The following NUP85 variants were observed in gnomAD, a reference collection of about 807,000 sequenced individuals.
NUP85 encodes the protein nucleoporin 85.
NUP85 carries 23 observed loss-of-function variants against 92.8 expected under a neutral mutation model. The ratio of observed to expected loss-of-function variants is 0.25; its 90% confidence interval spans 0.18 to 0.35. The LOEUF (loss-of-function observed/expected upper bound fraction) is 0.35, where lower values mean the gene tolerates loss of function less well. NUP85 is among the 10% of genes least tolerant of loss of function. The pLI is 1.00. For missense variants in NUP85, 759 were observed against 822.8 expected, an observed-to-expected ratio of 0.92 and a Z score of 0.95; for synonymous variants, 314 against 306.9, an observed-to-expected ratio of 1.02 and a Z score of -0.24.
chr17:75,217,965 G>C (rs1021188327), intron 6 of NUP85, among the ~76,000 whole-genome samples: 1 of 152,164 alleles, frequency 6.6e-6, no homozygotes, highest in African/African-American at 2.4e-5. Context: ...TCTGGGGTCA[G>C]TTAAAGATGG....
At chr17:75,232,729 A>G (rs887389247) in intron 14 of NUP85, 122 bp from the exon 15 acceptor site, 7 of 830,208 alleles carry the variant, frequency 8.4e-6, no homozygotes, top group African/African-American at 1.7e-5. Flanking sequence ...AGCTGCATTT[A>G]GAGCCCAAAG....
At chr17:75,211,711 T>C (rs1296448945) in intron 3 of NUP85, among the ~76,000 whole-genome samples, 1 of 152,174 alleles carries the variant, frequency 6.6e-6, no homozygotes, top group East Asian at 1.9e-4. Context: ...AATACATTTA[T>C]GTATCTTTTT....
At chr17:75,235,491 C>A in intron 18 of NUP85, 87 bp from the exon 19 acceptor site, 1 of 904,606 alleles carries the variant, frequency 1.1e-6, no homozygotes, top group Non-Finnish European at 1.8e-6. Context: ...GTTAAGTGCC[C>A]TCTACCTTTG....
At chr17:75,210,497 CTCCG>C (rs2075223433) in intron 3 of NUP85, among the ~76,000 whole-genome samples, 2 of 152,198 alleles carry the variant, frequency 1.3e-5, no homozygotes, top group Non-Finnish European at 2.9e-5. Flanking sequence ...AAATCAAAAT[CTCCG>C]TGGTTGGATC....
intron 11 of NUP85, chr17:75,227,813 T>G (rs150088334): frequency 2.0e-5 from 3 of 151,914 alleles, no homozygotes; most frequent in African/African-American, 7.3e-5. Context: ...AATTATTATT[T>G]TTTTTTTTGG....
chr17:75,211,512 C>T (rs931268331), intron 3 of NUP85, among the ~76,000 whole-genome samples: 5 of 149,878 alleles, frequency 3.3e-5, no homozygotes, highest in Admixed American at 2.7e-4. Flanking sequence ...CTGCAACCTC[C>T]GCCTGCCGGG....
intron 7 of NUP85, among the ~76,000 whole-genome samples, chr17:75,219,176 C>CA (rs911190501): frequency 1.8e-4 from 27 of 149,262 alleles, no homozygotes; most frequent in Admixed American, 1.1e-3. Flanking sequence ...ATTGTGAGGA[C>CA]AAAAAAAAAG....
intron 11 of NUP85, among the ~76,000 whole-genome samples, chr17:75,229,796 T>G (rs1337442851): frequency 6.6e-6 from 1 of 152,152 alleles, no homozygotes; most frequent in Non-Finnish European, 1.5e-5. Context: ...GTCTCAGCCC[T>G]TCCTTCCAGT....
At chr17:75,228,935 C>T in intron 11 of NUP85, 13 of 985,420 alleles carry the variant, frequency 1.3e-5, no homozygotes, top group Non-Finnish European at 1.6e-5. Flanking sequence ...ACTGCTAACC[C>T]CTTAGCTGAA....
At chr17:75,228,016 G>A (rs1414773670) in intron 11 of NUP85, 1 of 172,762 alleles carries the variant, frequency 5.8e-6, no homozygotes, top group East Asian at 1.9e-4. Flanking sequence ...AAGAATTAGT[G>A]AGAATAACTT....
chr17:75,224,839 A>AG (rs1436269497), intron 7 of NUP85, among the ~76,000 whole-genome samples: 2 of 151,646 alleles, frequency 1.3e-5, no homozygotes, highest in African/African-American at 4.8e-5. Flanking sequence ...GAAAAAAAAA[A>AG]AAAAAAGGTG....
intron 16 of NUP85, 129 bp from the exon 17 acceptor site, chr17:75,234,508 C>G (rs1027325972): frequency 3.6e-6 from 3 of 844,954 alleles, no homozygotes; most frequent in Non-Finnish European, 5.7e-6. Flanking sequence ...AGAAAAAAAT[C>G]TCCTGCTTTG....
intron 16 of NUP85, 151 bp from the exon 17 acceptor site, chr17:75,234,486 G>C: frequency 1.4e-6 from 1 of 724,578 alleles, no homozygotes; most frequent in Admixed American, 2.3e-5. Flanking sequence ...TGGGACCTAT[G>C]AGTTTGGAGA....
chr17:75,212,648 G>C (rs993588640), intron 4 of NUP85, among the ~76,000 whole-genome samples: 1 of 151,778 alleles, frequency 6.6e-6, no homozygotes, highest in Non-Finnish European at 1.5e-5. Flanking sequence ...AATTTAAACA[G>C]TTTTTGTCCA....
chr17:75,211,160 G>A (rs1417388311), intron 3 of NUP85, among the ~76,000 whole-genome samples: 2 of 150,844 alleles, frequency 1.3e-5, no homozygotes, highest in Admixed American at 6.6e-5. Context: ...GTGCCACCAC[G>A]CCTGGCTAAT....
chr17:75,231,346 C>T lies in NUP85; in HGVS notation c.1101C>T (p.Ala367=). The change falls in exon 12 of 19, where the codon GCC becomes GCT. Residue 367 remains alanine, a synonymous_variant. Transcript: ENST00000245544. The surrounding 1 kb of genome is among the most constrained non-coding windows in gnomAD (Gnocchi z 4.6). ...IHQVIKECSI[A]LSNWWFVAHL... ...TTGGTGTCTGAATCTGCAGCATCGC[C>T]CTGAGCAACTGGTGGTTTGTGGCCC... 1 of 1,614,210 alleles carries T rather than the reference C, an allele frequency of 6.2e-7. No homozygotes were observed. Among genetic ancestry groups the T allele is most frequent in the Non-Finnish European group, 8.5e-7 (1 of 1,180,044 alleles).
Position 75,222,717 on chromosome 17 carries a change from C to T in NUP85, c.598-2386C>T, listed in dbSNP as rs1429551744. Reference sequence around the variant, plus strand: ...TGTGTATCTGTTTGGAGACAACTTACTTGACATAATATTGTTGAATCATTA... The same window carrying T: ...TGTGTATCTGTTTGGAGACAACTTATTTGACATAATATTGTTGAATCATTA... On this transcript the variant is annotated intron_variant, in intron 7 of 18. Coordinates refer to ENST00000245544, the MANE Select transcript of NUP85 (RefSeq NM_024844.5). Among the ~76,000 whole-genome samples the T allele has an allele frequency of 2.0e-5, 3 of 151,894 alleles. No homozygotes were observed. In the East Asian group the frequency reaches 5.8e-4, roughly 29 times the overall value.
At chr17:75,234,916 GC>G in intron 17 of NUP85, 128 bp downstream of exon 17, 1 of 1,222,974 alleles carries the variant, frequency 8.2e-7, no homozygotes, top group Non-Finnish European at 1.2e-6. Context: ...TCCCCTTAGC[GC>G]CCTCTCTGGG....
At chr17:75,217,833 C>A (rs1483226908) in intron 6 of NUP85, among the ~76,000 whole-genome samples, 2 of 152,132 alleles carry the variant, frequency 1.3e-5, no homozygotes, top group African/African-American at 4.8e-5. Context: ...TCATTGCATA[C>A]CTGGCTGCTT....
Sources: gnomAD v4.1 joint callset for allele counts (sites outside exome capture counted in the v4.1 genomes callset) on GRCh38, gnomAD v4.1.1 for gene constraint, Gnocchi (gnomAD v3.1) non-coding constraint, MANE v1.5 for transcripts, NCBI Gene and HGNC (gene_info 2026-07-23, HGNC 2026-07-21) for gene names.